The following ADAMTS2 variants were observed in gnomAD, a reference collection of about 807,000 sequenced individuals.
The protein encoded by ADAMTS2 is ADAM metallopeptidase with thrombospondin type 1 motif 2.
Under a neutral mutation model 123.0 loss-of-function variants are expected in ADAMTS2, and 50 were observed. The observed-to-expected ratio is 0.41, with a 90% CI of 0.32 to 0.51. The LOEUF (loss-of-function observed/expected upper bound fraction) is 0.51. Ranked by LOEUF, ADAMTS2 falls within the 20% of genes least tolerant of loss-of-function variation. The probability of loss-of-function intolerance (pLI) is 0.35; values close to 1 mark genes in which losing one functional copy is unlikely to be tolerated. For missense variants in ADAMTS2, 1,494 were observed against 1,705.2 expected (o/e 0.88, Z 2.18); for synonymous variants, 678 against 695.4 (o/e 0.98, Z 0.39).
intron 3 of ADAMTS2, among the ~76,000 whole-genome samples, chr5:179,226,681 C>T (rs1417393075): frequency 4.6e-5 from 7 of 152,254 alleles, no homozygotes; most frequent in Admixed American, 1.3e-4. Context: ...CTGAGAGAAA[C>T]GGATCCAGCC....
At chr5:179,208,034 G>GA (rs1358693852) in intron 3 of ADAMTS2, among the ~76,000 whole-genome samples, 1 of 148,426 alleles carries the variant, frequency 6.7e-6, no homozygotes, top group African/African-American at 2.5e-5. Context: ...GACTGTGAGA[G>GA]ACCCAGCCCA....
At position 179,111,413 on chromosome 5, in the gene ADAMTS2, C is replaced by T. The variant is rs190745756; in HGVS notation, c.*2454G>A. On this transcript the variant is annotated 3_prime_UTR_variant, in exon 22 of 22. Coordinates refer to ENST00000251582, the MANE Select transcript of ADAMTS2 (RefSeq NM_014244.5). ...TGGTCCCCAGCTCAGAGATTTGCGT[C>T]GTTTCTCAGAGCCCGGTGAACGTTG... The T allele has an allele frequency of 2.0e-4, 31 of 152,382 alleles. No individual in the cohort carries two copies. The highest frequency in any genetic ancestry group is 2.6e-4 in the African/African-American group (11 of 41,584). 9.4% of individuals were successfully genotyped at this position (152,382 alleles called of 1,614,324 possible). A position where few individuals can be genotyped will look rare whatever the true frequency, so the allele number is the denominator to read the frequency against.
chr5:179,223,114 T>A (rs1433534480), intron 3 of ADAMTS2, among the ~76,000 whole-genome samples: 1 of 152,238 alleles, frequency 6.6e-6, no homozygotes, highest in Admixed American at 6.5e-5. Context: ...ACTCGTCAAG[T>A]ATTTTGCTAA....
intron 8 of ADAMTS2, 24 bp from the exon 9 acceptor site, chr5:179,153,647 G>T: frequency 6.3e-7 from 1 of 1,594,618 alleles, no homozygotes. Flanking sequence ...ACGGTGCCGC[G>T]AGCAGCCTTC....
rs1756697490 is a variant in ADAMTS2 at position 179,307,137 on chromosome 5, C to T, written c.535-34073G>A. Among the ~76,000 whole-genome samples the T allele has an allele frequency of 6.6e-6, 1 of 152,184 alleles. No individual in the cohort carries two copies. Among genetic ancestry groups the T allele is most frequent in the African/African-American group, 2.4e-5 (1 of 41,460 alleles). On this transcript the variant is annotated intron_variant, in intron 2 of 21. Coordinates refer to ENST00000251582, the MANE Select transcript of ADAMTS2 (RefSeq NM_014244.5). The surrounding 1 kb of genome is among the most constrained non-coding windows in gnomAD (Gnocchi z 5.6). ...CAGCCAGCCTAAGCCCGGCCCAGAC[C>T]CTCGCCCTGCTAGCATGAGACAGAC...
intron 3 of ADAMTS2, among the ~76,000 whole-genome samples, chr5:179,270,229 C>T (rs772513265): frequency 2.0e-5 from 3 of 152,140 alleles, no homozygotes; most frequent in Non-Finnish European, 4.4e-5. Context: ...CTGAGCAGCC[C>T]GTGGGCTTCT....
At chr5:179,284,109 T>C (rs919920390) in intron 2 of ADAMTS2, among the ~76,000 whole-genome samples, 1 of 151,322 alleles carries the variant, frequency 6.6e-6, no homozygotes, top group African/African-American at 2.4e-5. Flanking sequence ...GGCGAATGGA[T>C]CACAAGGCCA....
chr5:179,122,871 C>A, intron 19 of ADAMTS2, 98 bp from the exon 20 acceptor site: 6 of 1,518,652 alleles, frequency 4.0e-6, no homozygotes, highest in African/African-American at 1.4e-5. Context: ...ATGACCCATG[C>A]GCTCAGGAGG....
intron 21 of ADAMTS2, among the ~76,000 whole-genome samples, chr5:179,119,534 T>C (rs920823479): frequency 6.6e-6 from 1 of 152,192 alleles, no homozygotes; most frequent in African/African-American, 2.4e-5. Context: ...TTTTCAGCAA[T>C]GTGAGAGAAC....
At chr5:179,199,497 G>C (rs1276040758) in intron 4 of ADAMTS2, among the ~76,000 whole-genome samples, 2 of 152,204 alleles carry the variant, frequency 1.3e-5, no homozygotes, top group Non-Finnish European at 1.5e-5. Context: ...CTCTGGGCTG[G>C]AGCAGTGCAC....
chr5:179,123,049 C>G (rs770492877), intron 19 of ADAMTS2, among the ~76,000 whole-genome samples: 9 of 152,240 alleles, frequency 5.9e-5, no homozygotes, highest in Non-Finnish European at 1.2e-4. Context: ...CTGCTGGACT[C>G]TCAGTGACAG....
chr5:179,240,866 A>G (rs1431133624), intron 3 of ADAMTS2, among the ~76,000 whole-genome samples: 2 of 152,206 alleles, frequency 1.3e-5, no homozygotes, highest in Admixed American at 6.5e-5. Context: ...CACCTCTCCC[A>G]GAGGTTTTGT....
chr5:179,146,022 T>G (rs1170612920), intron 10 of ADAMTS2, among the ~76,000 whole-genome samples: 2 of 152,124 alleles, frequency 1.3e-5, no homozygotes, highest in Non-Finnish European at 2.9e-5. Flanking sequence ...CCAGCTAATT[T>G]TTTTGTATTT....
In ADAMTS2 at chr5:179,155,348, C is replaced by T. The variant is rs892398393; in HGVS notation, c.1133-429G>A. 2.6e-5 allele frequency among the ~76,000 whole-genome samples: 4 copies of T among 152,210 alleles called. No individual in the cohort carries two copies. Among genetic ancestry groups the T allele is most frequent in the African/African-American group, 9.6e-5 (4 of 41,458 alleles). On this transcript the variant is annotated intron_variant, in intron 6 of 21. Transcript: ENST00000251582. This position sits in a 1 kb window ranked among gnomAD's most constrained non-coding sequence, Gnocchi z 5.1. ...TCTCTGCTAGAGGCATCCTGCCCCT[C>T]GTCTGCCTGGTATCACACCCTCCAA...
rs1171837041 is a variant in ADAMTS2, at chr5:179,245,765, C to CAAA, written c.688+27143_688+27145dup. Among the ~76,000 whole-genome samples, 57 of 17,180 alleles carry CAAA rather than the reference C, an allele frequency of 3.3e-3. 2 individuals carry two copies. Among genetic ancestry groups the CAAA allele is most frequent in the Middle Eastern group, 0.056 (1 of 18 alleles). 11.3% of individuals were successfully genotyped at this position (17,180 alleles called of 152,430 possible). ...TGGGCGACAGAGCGAGACTCCGTCT[C>CAAA]AAAAAAAAAAAAAAAAAAAAAAAAA... is the stretch of plus-strand genomic sequence containing the variant. On this transcript the variant is annotated intron_variant, in intron 3 of 21. Coordinates refer to ENST00000251582, the MANE Select transcript of ADAMTS2 (RefSeq NM_014244.5).
chr5:179,283,985 A>AT (rs886267810), intron 2 of ADAMTS2, among the ~76,000 whole-genome samples: 11 of 147,418 alleles, frequency 7.5e-5, no homozygotes, highest in Non-Finnish European at 3.0e-5. Flanking sequence ...TATTATTATT[A>AT]TTATTTTGGA....
chr5:179,214,548 A>G (rs1764931529), intron 3 of ADAMTS2, among the ~76,000 whole-genome samples: 1 of 152,138 alleles, frequency 6.6e-6, no homozygotes, highest in South Asian at 2.1e-4. Context: ...TGCAAAGATC[A>G]AGACTTCTTG....
At chr5:179,224,326 C>T (rs529774907) in intron 3 of ADAMTS2, among the ~76,000 whole-genome samples, 7 of 152,300 alleles carry the variant, frequency 4.6e-5, no homozygotes, top group Admixed American at 2.0e-4. Context: ...CGCTGCCGGC[C>T]GCAGGCCTCA....
At chr5:179,156,953 CATTTTTTCTTTTTT>C (rs1472371338) in intron 6 of ADAMTS2, among the ~76,000 whole-genome samples, 1 of 139,058 alleles carries the variant, frequency 7.2e-6, no homozygotes, top group African/African-American at 2.6e-5. Context: ...GCTGTCCTTT[CATTTTTTCTTTTTT>C]TTTTTTTTTT....
Sources: allele counts gnomAD v4.1 joint callset (sites outside exome capture counted in the v4.1 genomes callset), GRCh38; gene constraint gnomAD v4.1.1; non-coding constraint Gnocchi (gnomAD v3.1); transcripts MANE v1.5; gene names NCBI Gene and HGNC (gene_info 2026-07-23, HGNC 2026-07-21).